Variants in B3GALT1 observed in about 807,000 individuals in gnomAD.
The protein encoded by B3GALT1 is UDP-Gal:betaGlcNAc beta 1,3-galactosyltransferase, polypeptide 1.
A neutral mutation model predicts 23.2 loss-of-function variants in B3GALT1; 10 were observed. The observed-to-expected ratio is 0.43, with a 90% CI of 0.27 to 0.73. The LOEUF (loss-of-function observed/expected upper bound fraction) is 0.73. Among genes scored for constraint, B3GALT1 ranks in the 30% least tolerant of loss-of-function variants. The probability of loss-of-function intolerance (pLI) is 0.21; values close to 1 mark genes in which losing one functional copy is unlikely to be tolerated. For synonymous variants in B3GALT1, 156 were observed against 141.5 expected (o/e 1.10, Z -0.73); for missense variants, 299 against 405.4 (o/e 0.74, Z 2.25).
chr2:167,442,187 T>A (rs979728252), intron 1 of B3GALT1, among the ~76,000 whole-genome samples: 1 of 152,166 alleles, frequency 6.6e-6, no homozygotes, highest in East Asian at 1.9e-4. Context: ...ATTTCATCCA[T>A]GTCCCTACAA....
intron 3 of B3GALT1, among the ~76,000 whole-genome samples, chr2:167,768,785 A>G (rs2105306379): frequency 6.6e-6 from 1 of 152,308 alleles, no homozygotes; most frequent in African/African-American, 2.4e-5. Context: ...AAGGTTGCCT[A>G]AAGTGTATGA....
At chr2:167,425,817 G>A (rs1460080188) in intron 1 of B3GALT1, among the ~76,000 whole-genome samples, 1 of 152,162 alleles carries the variant, frequency 6.6e-6, no homozygotes, top group African/African-American at 2.4e-5. Flanking sequence ...CACAGGAGAT[G>A]CATGTGCGAA....
At chr2:167,776,078 A>ACACACACAAT (rs55899141) in intron 3 of B3GALT1, among the ~76,000 whole-genome samples, 1 of 148,732 alleles carries the variant, frequency 6.7e-6, no homozygotes, top group African/African-American at 2.5e-5. Context: ...ACACACACAC[A>ACACACACAAT]ATTATAGGTA....
chr2:167,512,374 A>C (rs1238698783), intron 2 of B3GALT1, among the ~76,000 whole-genome samples: 3 of 150,916 alleles, frequency 2.0e-5, no homozygotes, highest in African/African-American at 2.4e-5. Context: ...TTATTCTATA[A>C]ATATAATAAA....
chr2:167,782,072 GA>G lies in B3GALT1; in HGVS notation c.-351-36598del, dbSNP rs1332603051. ...CCTCTTATTTATGGTTGTGATGGGGGAAGCCAGAGATAAGAGACCAGAAATT... is the reference window on the plus strand; with the variant it reads ...CCTCTTATTTATGGTTGTGATGGGGGAGCCAGAGATAAGAGACCAGAAATT... On this transcript the variant is annotated intron_variant, in intron 3 of 4. Transcript: ENST00000392690. Among the ~76,000 whole-genome samples, 7 of 152,286 alleles carry G rather than the reference GA, an allele frequency of 4.6e-5. No homozygotes were observed. In the East Asian group the frequency reaches 1.2e-3, roughly 25 times the overall value.
chr2:167,675,535 G>A (rs1476472516), intron 3 of B3GALT1, among the ~76,000 whole-genome samples: 1 of 152,154 alleles, frequency 6.6e-6, no homozygotes. Context: ...TCGGCTCATG[G>A]TGAATGTGGC....
At chr2:167,638,746 G>A (rs1455066252) in intron 2 of B3GALT1, among the ~76,000 whole-genome samples, 3 of 151,958 alleles carry the variant, frequency 2.0e-5, no homozygotes, top group Non-Finnish European at 4.4e-5. Flanking sequence ...TATATTCATG[G>A]TAAATAAGAA....
At chr2:167,754,285 GT>G (rs2105290272) in intron 3 of B3GALT1, among the ~76,000 whole-genome samples, 1 of 152,302 alleles carries the variant, frequency 6.6e-6, no homozygotes, top group East Asian at 1.9e-4. Flanking sequence ...AAAAGTGAAA[GT>G]TTTCATGACT....
Position 167,432,366 on chromosome 2 carries a change from A to G in B3GALT1, c.-510-57811A>G, listed in dbSNP as rs1223942634. On this transcript the variant is annotated intron_variant, in intron 1 of 4. Coordinates refer to ENST00000392690, the MANE Select transcript of B3GALT1 (RefSeq NM_020981.4). The stretch of plus-strand genomic sequence containing the variant: ...GTAATAAGATTGGTCCAAAGAAACA[A>G]GACAATTGGTTCACCTGGAAGTATT... Among the ~76,000 whole-genome samples, 3 of 152,218 alleles carry G rather than the reference A, an allele frequency of 2.0e-5. No homozygotes were observed. In the East Asian group the frequency reaches 5.8e-4, roughly 29 times the overall value.
intron 2 of B3GALT1, among the ~76,000 whole-genome samples, chr2:167,620,410 G>T (rs73015412): frequency 0.015 from 2,354 of 152,172 alleles, 82 homozygotes; most frequent in African/African-American, 0.054. Flanking sequence ...TTGTAGGCTG[G>T]CTTAAGGATT....
chr2:167,499,090 C>T (rs1276208525), intron 2 of B3GALT1, among the ~76,000 whole-genome samples: 3 of 152,128 alleles, frequency 2.0e-5, no homozygotes, highest in Admixed American at 6.6e-5. Context: ...TTCTGTAGTT[C>T]CTGTAATTGC....
chr2:167,442,266 TC>T (rs1276947159), intron 1 of B3GALT1, among the ~76,000 whole-genome samples: 1 of 152,160 alleles, frequency 6.6e-6, no homozygotes, highest in African/African-American at 2.4e-5. Context: ...ATTTTCTTAA[TC>T]CAGTCTATCA....
At chr2:167,403,692 C>T (rs530994882) in intron 1 of B3GALT1, among the ~76,000 whole-genome samples, 17 of 152,060 alleles carry the variant, frequency 1.1e-4, no homozygotes, top group East Asian at 5.8e-4. Context: ...TGGAGTACTG[C>T]GCACAATTAC....
chr2:167,811,450 T>C (rs1688887469), intron 3 of B3GALT1, among the ~76,000 whole-genome samples: 2 of 152,232 alleles, frequency 1.3e-5, no homozygotes, highest in South Asian at 2.1e-4. Context: ...CAGGTGTGCA[T>C]TTTCTGTTCA....
At chr2:167,603,352 A>G (rs1459835448) in intron 2 of B3GALT1, among the ~76,000 whole-genome samples, 1 of 152,186 alleles carries the variant, frequency 6.6e-6, no homozygotes, top group Non-Finnish European at 1.5e-5. Flanking sequence ...TGTGTCTTAG[A>G]TTGTCTCTTA....
At chr2:167,584,099 T>C (rs1275863268) in intron 2 of B3GALT1, among the ~76,000 whole-genome samples, 1 of 152,170 alleles carries the variant, frequency 6.6e-6, no homozygotes, top group East Asian at 1.9e-4. Flanking sequence ...TGTAGTCAAG[T>C]GGACCTGGCT....
chr2:167,394,171 A>C (rs2105284761), intron 1 of B3GALT1, among the ~76,000 whole-genome samples: 1 of 152,336 alleles, frequency 6.6e-6, no homozygotes, highest in East Asian at 1.9e-4. Context: ...TGAGTTATGA[A>C]GATTTTTGAT....
At chr2:167,709,033 G>A (rs1381051209) in intron 3 of B3GALT1, among the ~76,000 whole-genome samples, 2 of 152,196 alleles carry the variant, frequency 1.3e-5, no homozygotes, top group Non-Finnish European at 2.9e-5. Flanking sequence ...GGAGACCTTA[G>A]GATAAATGTT....
At chr2:167,711,440 T>C (rs1445143081) in intron 3 of B3GALT1, among the ~76,000 whole-genome samples, 1 of 152,136 alleles carries the variant, frequency 6.6e-6, no homozygotes, top group African/African-American at 2.4e-5. Flanking sequence ...GCACTGCAGG[T>C]AGAAAAAGGT....
Sources: allele counts gnomAD v4.1 joint callset (sites outside exome capture counted in the v4.1 genomes callset), GRCh38; gene constraint gnomAD v4.1.1; transcripts MANE v1.5; gene names NCBI Gene and HGNC (gene_info 2026-07-23, HGNC 2026-07-21).